CNTNAP2: variants seen among roughly 807,000 people sequenced by gnomAD.
CNTNAP2 encodes the protein contactin associated protein 2, also known as contactin-associated protein-like 2.
In CNTNAP2, 98 loss-of-function variants were observed where a neutral mutation model predicts 155.2. The observed-to-expected ratio is 0.63, with a 90% CI of 0.54 to 0.75. The LOEUF is 0.75. Ranked by LOEUF, CNTNAP2 falls within the 30% of genes least tolerant of loss-of-function variation. CNTNAP2 has a pLI of 0.00. For synonymous variants in CNTNAP2, 651 were observed against 631.2 expected (o/e 1.03, Z -0.47); for missense variants, 1,727 against 1,688.1 (o/e 1.02, Z -0.40).
At chr7:146,356,238 A>G (rs1794996215) in intron 1 of CNTNAP2, among the ~76,000 whole-genome samples, 1 of 152,160 alleles carries the variant, frequency 6.6e-6, no homozygotes, top group African/African-American at 2.4e-5. Flanking sequence ...CTAGGCTTTT[A>G]ACCTGTGTTT....
intron 3 of CNTNAP2, among the ~76,000 whole-genome samples, chr7:146,925,297 AATAAATAC>A (rs1225379116): frequency 6.6e-6 from 1 of 152,136 alleles, no homozygotes; most frequent in Non-Finnish European, 1.5e-5. Flanking sequence ...AATGAGTTTC[AATAAATAC>A]ATATTATCAA....
intron 8 of CNTNAP2, among the ~76,000 whole-genome samples, chr7:147,232,771 G>A (rs1033941703): frequency 2.0e-5 from 3 of 147,422 alleles, no homozygotes; most frequent in African/African-American, 7.6e-5. Context: ...ATTGATCTTG[G>A]TAATGACTTT....
At chr7:146,904,502 T>C (rs1369877450) in intron 3 of CNTNAP2, among the ~76,000 whole-genome samples, 2 of 152,136 alleles carry the variant, frequency 1.3e-5, no homozygotes, top group Non-Finnish European at 2.9e-5. Context: ...GACAGAGTCT[T>C]GCTCTGTCAC....
chr7:146,958,407 G>GTTTTTTTTTT (rs71165054), intron 3 of CNTNAP2, among the ~76,000 whole-genome samples: 4 of 78,032 alleles, frequency 5.1e-5, no homozygotes, highest in Admixed American at 1.8e-4. Flanking sequence ...CATTTTTATG[G>GTTTTTTTTTT]TTTTTTTTTT....
chr7:146,736,903 T>C (rs1801629830), intron 1 of CNTNAP2, among the ~76,000 whole-genome samples: 2 of 152,152 alleles, frequency 1.3e-5, no homozygotes, highest in Non-Finnish European at 2.9e-5. Flanking sequence ...CTATTAGAGA[T>C]ATATAATTTT....
At chr7:148,127,333 G>T (rs10270430) in intron 16 of CNTNAP2, among the ~76,000 whole-genome samples, 1 of 152,120 alleles carries the variant, frequency 6.6e-6, no homozygotes, top group Non-Finnish European at 1.5e-5. Context: ...TTGTGAAGGG[G>T]ATTTTTGGAG....
intron 8 of CNTNAP2, among the ~76,000 whole-genome samples, chr7:147,261,077 T>C (rs1323250211): frequency 1.3e-5 from 2 of 152,218 alleles, no homozygotes; most frequent in Non-Finnish European, 2.9e-5. Context: ...CCACTTGTAA[T>C]AAACATGTTA....
chr7:147,324,135 A>G lies in CNTNAP2; in HGVS notation c.1498+23845A>G, dbSNP rs952025652. Among the ~76,000 whole-genome samples the G allele has an allele frequency of 3.3e-5, 5 of 152,294 alleles. No individual in the cohort carries two copies. In the East Asian group the frequency reaches 9.7e-4, roughly 29 times the overall value. On this transcript the variant is annotated intron_variant, in intron 9 of 23. Transcript: ENST00000361727. ...CTTTGGAATTAGGAAGCTGTCTAAG[A>G]CATTGATGGCTTGAAAAGAAGTAAG... is the stretch of plus-strand genomic sequence containing the variant.
chr7:147,663,144 G>T (rs893474676), intron 13 of CNTNAP2, among the ~76,000 whole-genome samples: 2 of 151,496 alleles, frequency 1.3e-5, no homozygotes, highest in Non-Finnish European at 2.9e-5. Flanking sequence ...GATTACAGGT[G>T]CCCACAACCA....
chr7:147,668,495 C>T (rs79101499), intron 13 of CNTNAP2, among the ~76,000 whole-genome samples: 5 of 152,194 alleles, frequency 3.3e-5, no homozygotes, highest in Non-Finnish European at 5.9e-5. Flanking sequence ...CCCCTGAGAA[C>T]GTCCCAGTGG....
At chr7:147,306,529 A>G (rs570838278) in intron 9 of CNTNAP2, among the ~76,000 whole-genome samples, 34 of 152,354 alleles carry the variant, frequency 2.2e-4, no homozygotes, top group African/African-American at 7.7e-4. Context: ...GAGAGAACTT[A>G]TCTCTGATAA....
intron 1 of CNTNAP2, among the ~76,000 whole-genome samples, chr7:146,171,041 A>T (rs1309347090): frequency 6.6e-6 from 1 of 152,110 alleles, no homozygotes; most frequent in Admixed American, 6.5e-5. Flanking sequence ...TAAATAAATA[A>T]ATAAATAAAT....
chr7:147,593,415 A>G (rs1800775555), intron 12 of CNTNAP2, among the ~76,000 whole-genome samples: 1 of 151,814 alleles, frequency 6.6e-6, no homozygotes, highest in African/African-American at 2.4e-5. Flanking sequence ...GAATTGGATG[A>G]TAAGTGACAT....
intron 13 of CNTNAP2, among the ~76,000 whole-genome samples, chr7:147,893,243 G>T (rs1475723196): frequency 2.6e-5 from 4 of 152,072 alleles, no homozygotes; most frequent in African/African-American, 9.7e-5. Context: ...TATTTTTAAA[G>T]TTCTTAATTT....
intron 8 of CNTNAP2, among the ~76,000 whole-genome samples, chr7:147,275,095 T>C (rs775443475): frequency 1.6e-3 from 247 of 152,286 alleles, no homozygotes; most frequent in Admixed American, 3.0e-3. Context: ...GATAATGTGA[T>C]GCTCCTTGCT....
At chr7:146,385,746 A>T (rs1563064145) in intron 1 of CNTNAP2, among the ~76,000 whole-genome samples, 1 of 152,214 alleles carries the variant, frequency 6.6e-6, no homozygotes, top group African/African-American at 2.4e-5. Flanking sequence ...ATAATATCAG[A>T]GTTGAAATAG....
At chr7:147,594,901 G>C (rs1036380833) in intron 12 of CNTNAP2, among the ~76,000 whole-genome samples, 3 of 152,108 alleles carry the variant, frequency 2.0e-5, no homozygotes, top group Non-Finnish European at 4.4e-5. Flanking sequence ...GTATACAAGA[G>C]AGAAAGCGGA....
chr7:148,044,173 A>G (rs1802728496), intron 15 of CNTNAP2, among the ~76,000 whole-genome samples: 1 of 151,356 alleles, frequency 6.6e-6, no homozygotes, highest in Non-Finnish European at 1.5e-5. Flanking sequence ...TTGGCCAACT[A>G]ATAGCTTGTT....
Position 146,271,567 on chromosome 7 carries a change from G to C in CNTNAP2, c.97+154594G>C, listed in dbSNP as rs550630150. Among the ~76,000 whole-genome samples the C allele has an allele frequency of 4.1e-4, 62 of 151,822 alleles. 3 individuals are homozygous for C. The South Asian group carries it at 0.012, about 30-fold the overall frequency. ...TTATTCACTCATACATTAAGAACTTGTGAAAACAGAAACATACTTCATAAT... is the reference window on the plus strand; with the variant it reads ...TTATTCACTCATACATTAAGAACTTCTGAAAACAGAAACATACTTCATAAT... On this transcript the variant is annotated intron_variant, in intron 1 of 23. Coordinates refer to ENST00000361727, the MANE Select transcript of CNTNAP2 (RefSeq NM_014141.6).
Sources: allele counts gnomAD v4.1 joint callset (sites outside exome capture counted in the v4.1 genomes callset), GRCh38; gene constraint gnomAD v4.1.1; transcripts MANE v1.5; gene names NCBI Gene and HGNC (gene_info 2026-07-23, HGNC 2026-07-21).